The following CLIC4 variants were observed in gnomAD, a reference collection of about 807,000 sequenced individuals.
CLIC4 encodes chloride intracellular channel protein 4.
Under a neutral mutation model 24.6 loss-of-function variants are expected in CLIC4, and 13 were observed. The ratio of observed to expected loss-of-function variants is 0.53; its 90% CI spans 0.34 to 0.84. The LOEUF (loss-of-function observed/expected upper bound fraction) is 0.84, where lower values mean the gene tolerates loss of function less well. Ranked by LOEUF, CLIC4 falls within the 40% of genes least tolerant of loss-of-function variation. CLIC4 has a pLI of 0.01. For synonymous variants in CLIC4, 104 were observed against 111.3 expected (o/e 0.93, Z 0.41); for missense variants, 227 against 301.7 (o/e 0.75, Z 1.83).
intron 3 of CLIC4, among the ~76,000 whole-genome samples, chr1:24,818,983 A>C (rs1401827377): frequency 6.6e-6 from 1 of 151,844 alleles, no homozygotes; most frequent in Non-Finnish European, 1.5e-5. Context: ...TATTTGGGGG[A>C]GACTTGGAGT....
chr1:24,820,071 A>G (rs12730268), intron 3 of CLIC4, among the ~76,000 whole-genome samples: 1,833 of 37,104 alleles, frequency 0.049, 187 homozygotes, highest in East Asian at 0.13. Context: ...AAGTATGTAT[A>G]TATATATGTA....
At chr1:24,752,202 A>C (rs1638784850) in intron 1 of CLIC4, among the ~76,000 whole-genome samples, 1 of 152,168 alleles carries the variant, frequency 6.6e-6, no homozygotes. Context: ...TATCAGGATA[A>C]TAATAATAGC....
rs542279741 is a variant in CLIC4, at chr1:24,822,237, G to A, written c.309-4773G>A. On this transcript the variant is annotated intron_variant, in intron 3 of 5. Coordinates refer to ENST00000374379, the MANE Select transcript of CLIC4 (RefSeq NM_013943.3). ...TGCTTTAATGAGTACAAAATTGAAA[G>A]CTAGCTCAAGTTTAGAGGAAAGGTA... Among the ~76,000 whole-genome samples, 6 of 151,754 alleles carry A rather than the reference G, an allele frequency of 4.0e-5. 1 individual carries two copies. The highest frequency in any genetic ancestry group is 4.2e-4 in the South Asian group (2 of 4,802).
intron 1 of CLIC4, chr1:24,793,080 T>C (rs914164754): frequency 6.6e-6 from 1 of 152,200 alleles, no homozygotes; most frequent in Non-Finnish European, 1.5e-5. Context: ...TTGGGAAATT[T>C]TAGTTAATTT....
intron 1 of CLIC4, among the ~76,000 whole-genome samples, chr1:24,780,373 C>T (rs1007412477): frequency 1.3e-5 from 2 of 152,154 alleles, no homozygotes; most frequent in African/African-American, 4.8e-5. Flanking sequence ...ACTTGGTAAA[C>T]ATTTGTTAAG....
chr1:24,791,759 C>T (rs947367804), intron 1 of CLIC4, among the ~76,000 whole-genome samples: 3 of 151,950 alleles, frequency 2.0e-5, no homozygotes, highest in Admixed American at 6.6e-5. Flanking sequence ...ACCTGTAATC[C>T]GAGTTACTCG....
intron 3 of CLIC4, among the ~76,000 whole-genome samples, chr1:24,823,745 G>A (rs1209561657): frequency 1.5e-5 from 2 of 134,874 alleles, no homozygotes; most frequent in African/African-American, 5.6e-5. Context: ...CTGTACTCTA[G>A]CCTGGACAAT....
At chr1:24,816,911 A>G (rs1429513806) in intron 3 of CLIC4, among the ~76,000 whole-genome samples, 6 of 152,208 alleles carry the variant, frequency 3.9e-5, no homozygotes, top group Admixed American at 3.9e-4. Context: ...TGTTCCATTT[A>G]TAGAGCATCT....
rs1639951196 is a variant in CLIC4 at position 24,842,293 on chromosome 1, A to G, written c.*1356A>G. The G allele has an allele frequency of 6.6e-6, 1 of 152,180 alleles. No individual in the cohort carries two copies. Among genetic ancestry groups the G allele is most frequent in the African/African-American group, 2.4e-5 (1 of 41,460 alleles). The allele number at this position is 152,180 out of a possible 1,614,324, so 9.4% of individuals were successfully genotyped here. ...ACAGGAGGATGAACTTGCTGAAAAT[A>G]AAACTTTGCTATGTATTTACTCTTT... On this transcript the variant is annotated 3_prime_UTR_variant, in exon 6 of 6. Transcript: ENST00000374379.
intron 4 of CLIC4, among the ~76,000 whole-genome samples, chr1:24,831,960 A>G (rs1639846155): frequency 1.3e-5 from 2 of 152,216 alleles, no homozygotes; most frequent in Admixed American, 1.3e-4. Flanking sequence ...GCCTTTAATA[A>G]GAAGCATATT....
chr1:24,828,123 T>TA (rs1346381308), intron 4 of CLIC4, among the ~76,000 whole-genome samples: 12 of 152,208 alleles, frequency 7.9e-5, no homozygotes. Flanking sequence ...AAAAGTGAAA[T>TA]ACTTGCTAAT....
intron 5 of CLIC4, 51 bp downstream of exon 5, chr1:24,840,092 A>C: frequency 6.6e-7 from 1 of 1,509,042 alleles, no homozygotes; most frequent in Non-Finnish European, 9.0e-7. Flanking sequence ...TATTGTATTT[A>C]CTAAAGTGGC....
chr1:24,807,596 T>A (rs184908631), intron 2 of CLIC4, among the ~76,000 whole-genome samples: 1 of 152,280 alleles, frequency 6.6e-6, no homozygotes, highest in Admixed American at 6.5e-5. Context: ...GAAAAATGGT[T>A]ATGACAGAGC....
intron 1 of CLIC4, among the ~76,000 whole-genome samples, chr1:24,769,912 A>G (rs1394007436): frequency 6.6e-6 from 1 of 151,956 alleles, no homozygotes; most frequent in Non-Finnish European, 1.5e-5. Context: ...GATGGAGTGC[A>G]GTGGTGTCAT....
intron 1 of CLIC4, among the ~76,000 whole-genome samples, chr1:24,763,946 C>T (rs544014994): frequency 2.0e-5 from 3 of 152,254 alleles, no homozygotes; most frequent in East Asian, 3.9e-4. Flanking sequence ...GCGTCCACCA[C>T]GATATTTAGT....
intron 5 of CLIC4, among the ~76,000 whole-genome samples, chr1:24,840,565 C>T (rs1210318756): frequency 6.6e-6 from 1 of 152,176 alleles, no homozygotes; most frequent in African/African-American, 2.4e-5. Context: ...TATTTGCAGT[C>T]ACTGTCACAC....
intron 1 of CLIC4, among the ~76,000 whole-genome samples, chr1:24,755,761 A>C (rs1200404241): frequency 1.3e-5 from 2 of 152,106 alleles, no homozygotes; most frequent in Non-Finnish European, 1.5e-5. Context: ...GTGACAACTT[A>C]GTGCAGATAA....
At chr1:24,751,700 C>T (rs1272135785) in intron 1 of CLIC4, among the ~76,000 whole-genome samples, 1 of 152,074 alleles carries the variant, frequency 6.6e-6, no homozygotes, top group Non-Finnish European at 1.5e-5. Flanking sequence ...CCCGTCTCTA[C>T]TAAAAATACA....
intron 1 of CLIC4, among the ~76,000 whole-genome samples, chr1:24,780,481 A>G (rs940320609): frequency 6.6e-6 from 1 of 152,138 alleles, no homozygotes; most frequent in Admixed American, 6.5e-5. Context: ...CCACTTTCTC[A>G]TGTACTCATG....
Sources: gnomAD v4.1 joint callset for allele counts (sites outside exome capture counted in the v4.1 genomes callset) on GRCh38, gnomAD v4.1.1 for gene constraint, MANE v1.5 for transcripts, NCBI Gene and HGNC (gene_info 2026-07-23, HGNC 2026-07-21) for gene names.